The following BTAF1 variants were observed in gnomAD, a reference collection of about 807,000 sequenced individuals.
BTAF1 encodes the protein B-TFIID TATA-box binding protein associated factor 1.
In BTAF1, 38 loss-of-function variants were observed where a neutral mutation model predicts 227.1. The ratio of observed to expected loss-of-function variants is 0.17; its 90% CI spans 0.13 to 0.22. BTAF1 has a LOEUF of 0.22. BTAF1 is among the 10% of genes least tolerant of loss of function. BTAF1 has a pLI of 1.00. For missense variants in BTAF1, 1,598 were observed against 2,204.0 expected (o/e 0.73, Z 5.51); for synonymous variants, 742 against 751.9 (o/e 0.99, Z 0.21).
intron 19 of BTAF1, among the ~76,000 whole-genome samples, chr10:91,988,644 G>C (rs1419110306): frequency 6.6e-6 from 1 of 152,162 alleles, no homozygotes; most frequent in Non-Finnish European, 1.5e-5. Context: ...CATTGCCTGG[G>C]CATTTCCACC....
intron 22 of BTAF1, among the ~76,000 whole-genome samples, 171 bp downstream of exon 22, chr10:91,994,018 A>G (rs1298178235): frequency 6.6e-6 from 1 of 152,234 alleles, no homozygotes; most frequent in Non-Finnish European, 1.5e-5. Context: ...TTTATTTTAT[A>G]AAAGAGATAT....
intron 11 of BTAF1, among the ~76,000 whole-genome samples, chr10:91,961,818 T>A (rs143269869): frequency 4.6e-5 from 7 of 152,262 alleles, no homozygotes; most frequent in African/African-American, 1.7e-4. Flanking sequence ...AGACATTAAA[T>A]TGGAATAATG....
rs752093984 is a variant in BTAF1, at chr10:91,982,076, T to A, written c.1906-7T>A. On this transcript the variant is annotated splice_polypyrimidine_tract_variant and splice_region_variant and intron_variant, in intron 16 of 37. Transcript: ENST00000265990. ...CTTTATTGTTTTTTTTTCCCCTCCC[T>A]CTGTAGGAAAAAACAGGTGGTAAGG... The A allele has an allele frequency of 6.2e-7, 1 of 1,607,348 alleles. No homozygotes were observed. Among genetic ancestry groups the A allele is most frequent in the Non-Finnish European group, 8.5e-7 (1 of 1,176,696 alleles).
intron 25 of BTAF1, among the ~76,000 whole-genome samples, chr10:92,001,959 A>C (rs1161302070): frequency 1.7e-5 from 2 of 118,242 alleles, no homozygotes; most frequent in East Asian, 2.5e-4. Flanking sequence ...AAAAAAAAAA[A>C]AAAAAAAACC....
chr10:92,024,732 G>GTTTTTTTT (rs1554870028), intron 34 of BTAF1, 24 bp from the exon 35 acceptor site: 201 of 1,267,872 alleles, frequency 1.6e-4, no homozygotes, highest in South Asian at 2.7e-4. Flanking sequence ...CGCTTATGTA[G>GTTTTTTTT]TTTTTTTTTT....
At chr10:91,993,613 CTT>C in intron 21 of BTAF1, 79 bp from the exon 22 acceptor site, 1 of 1,122,398 alleles carries the variant, frequency 8.9e-7, no homozygotes, top group African/African-American at 1.6e-5. Flanking sequence ...TAGATGGTGA[CTT>C]TTAAATTCTT....
At chr10:91,945,093 A>C (rs1845271919) in intron 4 of BTAF1, among the ~76,000 whole-genome samples, 1 of 152,100 alleles carries the variant, frequency 6.6e-6, no homozygotes, top group African/African-American at 2.4e-5. Flanking sequence ...TCACTGAATG[A>C]CACATTTCTC....
At chr10:91,991,797 G>GTGTGTGTATATATATATATATA (rs1554860529) in intron 20 of BTAF1, among the ~76,000 whole-genome samples, 4 of 10,008 alleles carry the variant, frequency 4.0e-4, no homozygotes, top group Admixed American at 3.2e-3. Flanking sequence ...GTGTGTGTGT[G>GTGTGTGTATATATATATATATA]TATATATATA....
At chr10:91,976,305 C>T (rs1847686618) in intron 14 of BTAF1, among the ~76,000 whole-genome samples, 1 of 152,182 alleles carries the variant, frequency 6.6e-6, no homozygotes, top group African/African-American at 2.4e-5. Context: ...CTCACCAACC[C>T]ATAAACCCAT....
Position 91,989,462 on chromosome 10 carries a change from G to A in BTAF1, c.2736G>A (p.Thr912=), listed in dbSNP as rs142341012. The change falls in exon 20 of 38, where the codon ACG becomes ACA. Residue 912 remains threonine (T), a synonymous_variant. Transcript: ENST00000265990. ...TCCTTCAGCAGTGCACAACAAGGAC[G>A]CCCTGTCCCAATTCAAAAATTATTA... ...AKLLQQCTTR[T]PCPNSKIIKN... is the part of the protein sequence containing the mutation. The A allele has an allele frequency of 2.5e-5, 41 of 1,613,914 alleles. No individual in the cohort carries two copies. Among genetic ancestry groups the A allele is most frequent in the African/African-American group, 4.0e-5 (3 of 74,922 alleles).
rs776341180 is a variant in BTAF1, at chr10:91,966,750, A to G, written c.1643A>G (p.Gln548Arg). The G allele has an allele frequency of 3.7e-6, 6 of 1,613,676 alleles. No individual in the cohort carries two copies. The highest frequency in any genetic ancestry group is 3.3e-5 in the Admixed American group (2 of 60,008). ...LETLFTLLSTQDQNSSSWLIP... is the reference protein window; with the variant it reads ...LETLFTLLSTRDQNSSSWLIP... ...ACTCTGTTTACGTTATTATCAACAC[A>G]GGACCAGGTAAGAACTGATAACTAT... Residue 548 changes from glutamine to arginine, a missense_variant, in exon 14 of 38, where the codon CAG becomes CGG. Coordinates refer to ENST00000265990, the MANE Select transcript of BTAF1 (RefSeq NM_003972.3).
intron 15 of BTAF1, among the ~76,000 whole-genome samples, chr10:91,981,300 A>G (rs913666658): frequency 6.6e-6 from 1 of 152,210 alleles, no homozygotes; most frequent in Non-Finnish European, 1.5e-5. Flanking sequence ...TGTGTTGAAT[A>G]TAGGACTGCA....
chr10:91,997,568 G>A (rs1367253340), intron 24 of BTAF1, 35 bp from the exon 25 acceptor site: 1 of 1,596,922 alleles, frequency 6.3e-7, no homozygotes, highest in African/African-American at 1.3e-5. Flanking sequence ...ATCTGTCTTG[G>A]AACCATTTCA....
intron 25 of BTAF1, among the ~76,000 whole-genome samples, chr10:92,001,497 C>T (rs1201010130): frequency 6.6e-6 from 1 of 152,092 alleles, no homozygotes; most frequent in Non-Finnish European, 1.5e-5. Flanking sequence ...GCATCAAGTC[C>T]TTAGAAGCAT....
At chr10:92,009,742 A>G (rs7070076) in intron 28 of BTAF1, among the ~76,000 whole-genome samples, 55,434 of 152,030 alleles carry the variant, frequency 0.36, 11,955 homozygotes, top group African/African-American at 0.61. Flanking sequence ...TTGTTCCACT[A>G]TGGCTGCTTT....
intron 19 of BTAF1, among the ~76,000 whole-genome samples, 190 bp from the exon 20 acceptor site, chr10:91,988,964 A>T (rs1393606011): frequency 6.6e-6 from 1 of 152,230 alleles, no homozygotes; most frequent in African/African-American, 2.4e-5. Context: ...TGCTAATGTT[A>T]AATTTTAGTC....
intron 1 of BTAF1, among the ~76,000 whole-genome samples, chr10:91,934,237 T>G (rs1024538529): frequency 1.3e-5 from 2 of 152,112 alleles, no homozygotes; most frequent in African/African-American, 4.8e-5. Context: ...CTATTTTGAT[T>G]TAATTTTTTT....
chr10:92,004,853 A>T (rs551315058), intron 25 of BTAF1, among the ~76,000 whole-genome samples: 24 of 151,842 alleles, frequency 1.6e-4, no homozygotes, highest in African/African-American at 5.8e-4. Flanking sequence ...CTTTTTTCTT[A>T]TTTTTTTCCA....
At chr10:91,980,612 A>T in intron 15 of BTAF1, 54 bp downstream of exon 15, 1 of 1,416,350 alleles carries the variant, frequency 7.1e-7, no homozygotes, top group Non-Finnish European at 9.9e-7. Context: ...GTAGATTTTT[A>T]AAATTTTTCA....
Sources: allele counts gnomAD v4.1 joint callset (sites outside exome capture counted in the v4.1 genomes callset), GRCh38; gene constraint gnomAD v4.1.1; transcripts MANE v1.5; gene names NCBI Gene and HGNC (gene_info 2026-07-23, HGNC 2026-07-21).